TRABD2A: variants seen among roughly 807,000 people sequenced by gnomAD.
TRABD2A encodes the protein TraB domain containing 2A, also known as metalloprotease TIKI1.
In TRABD2A, 43 loss-of-function variants were observed where a neutral mutation model predicts 45.6. The observed-to-expected ratio is 0.94, with a 90% confidence interval of 0.74 to 1.22. The LOEUF is 1.22. Among genes scored for constraint, TRABD2A ranks in the 50% most tolerant of loss-of-function variants. TRABD2A has a pLI of 0.00. For synonymous variants in TRABD2A, 269 were observed against 265.0 expected (o/e 1.02, Z -0.15); for missense variants, 642 against 652.4 (o/e 0.98, Z 0.17).
chr2:84,855,741 T>C (rs755075635), intron 2 of TRABD2A, among the ~76,000 whole-genome samples: 10 of 152,018 alleles, frequency 6.6e-5, no homozygotes, highest in Non-Finnish European at 1.5e-4. Flanking sequence ...CCTGTCCACA[T>C]TTGCAGCAGA....
chr2:84,856,454 TTCTTTGGATG>T (rs1682307952), intron 2 of TRABD2A, among the ~76,000 whole-genome samples: 1 of 152,112 alleles, frequency 6.6e-6, no homozygotes, highest in African/African-American at 2.4e-5. Context: ...TTCCACACAC[TTCTTTGGATG>T]TCTAGGTCTG....
chr2:84,844,427 A>T (rs1871268), intron 2 of TRABD2A, among the ~76,000 whole-genome samples: 126,593 of 152,116 alleles, frequency 0.83, 53,195 homozygotes, highest in Middle Eastern at 0.89. Context: ...TCCCCAGGCA[A>T]GTGGAACTGT....
chr2:84,827,283 C>T (rs1681177793), intron 5 of TRABD2A, among the ~76,000 whole-genome samples: 2 of 152,336 alleles, frequency 1.3e-5, no homozygotes, highest in South Asian at 4.1e-4. Context: ...TCATGGAAGT[C>T]TCCAAGAAAG....
chr2:84,868,726 C>A (rs1210025663), intron 2 of TRABD2A, among the ~76,000 whole-genome samples: 1 of 152,126 alleles, frequency 6.6e-6, no homozygotes, highest in Non-Finnish European at 1.5e-5. Context: ...TCAAAGATAC[C>A]TTGCTTGAGC....
chr2:84,851,072 A>T (rs1443190797), intron 2 of TRABD2A: 1 of 152,262 alleles, frequency 6.6e-6, no homozygotes, highest in Non-Finnish European at 1.5e-5. Flanking sequence ...GCTACTTGCC[A>T]TTCTTGCTAC....
chr2:84,853,633 C>G (rs941048706), intron 2 of TRABD2A, among the ~76,000 whole-genome samples: 2 of 152,214 alleles, frequency 1.3e-5, no homozygotes, highest in African/African-American at 4.8e-5. Flanking sequence ...TCCTACAAGA[C>G]AAGAAACACC....
chr2:84,880,817 C>T lies in TRABD2A; in HGVS notation c.108+115G>A, dbSNP rs1326723995. On this transcript the variant is annotated intron_variant, in intron 1 of 6. Coordinates refer to ENST00000409520, the MANE Select transcript of TRABD2A (RefSeq NM_001277053.2). Reference sequence around the variant, plus strand: ...GGAGCGCCGCGGTGCTAGGTGAAAGCCCAGCCGCGGAAGTCGGCTCGGGGT... The same window carrying T: ...GGAGCGCCGCGGTGCTAGGTGAAAGTCCAGCCGCGGAAGTCGGCTCGGGGT... The T allele has an allele frequency of 3.4e-6, 5 of 1,475,196 alleles. No individual in the cohort carries two copies. The East Asian group carries it at 1.3e-4, about 37-fold the overall frequency. 91.4% of individuals were successfully genotyped at this position (1,475,196 alleles called of 1,614,324 possible).
chr2:84,867,941 A>G (rs9751440), intron 2 of TRABD2A, among the ~76,000 whole-genome samples: 27,386 of 152,096 alleles, frequency 0.18, 3,070 homozygotes, highest in African/African-American at 0.32. Flanking sequence ...AACAACAGGT[A>G]CTGGAGAGGA....
chr2:84,868,726 C>T (rs1210025663), intron 2 of TRABD2A, among the ~76,000 whole-genome samples: 2 of 152,126 alleles, frequency 1.3e-5, no homozygotes, highest in Non-Finnish European at 2.9e-5. Context: ...TCAAAGATAC[C>T]TTGCTTGAGC....
At chr2:84,836,120 C>T (rs1309514896) in intron 4 of TRABD2A, 3 of 152,148 alleles carry the variant, frequency 2.0e-5, no homozygotes, top group Non-Finnish European at 2.9e-5. Context: ...TCTGAAGAAA[C>T]AATGAAAGCA....
Position 84,832,136 on chromosome 2 carries a change from A to G in TRABD2A, c.1001T>C (p.Met334Thr), listed in dbSNP as rs375925350. ...AACATCCAGCACTGTGTTGTTGCCC[A>G]TGAAATGACCTGCAGTGAGAAAAAC... The part of the protein sequence containing the change: ...FFFAFGAGHF[M>T]GNNTVLDVLR... The change falls in exon 5 of 7, where the codon ATG becomes ACG. Residue 334 changes from methionine to threonine, a missense_variant. Met to Thr is a moderately conservative substitution (Grantham distance 81). Coordinates refer to ENST00000409520, the MANE Select transcript of TRABD2A (RefSeq NM_001277053.2). The G allele has an allele frequency of 8.1e-6, 13 of 1,613,904 alleles. No homozygotes were observed. The highest frequency in any genetic ancestry group is 4.0e-5 in the African/African-American group (3 of 74,934).
chr2:84,851,722 C>T (rs1682102662), intron 2 of TRABD2A, among the ~76,000 whole-genome samples: 1 of 152,150 alleles, frequency 6.6e-6, no homozygotes, highest in African/African-American at 2.4e-5. Context: ...AGGAATGTCT[C>T]CCCCATAGAA....
At chr2:84,873,662 G>T (rs1347364065) in intron 1 of TRABD2A, among the ~76,000 whole-genome samples, 1 of 152,136 alleles carries the variant, frequency 6.6e-6, no homozygotes, top group African/African-American at 2.4e-5. Flanking sequence ...GAAGACACTG[G>T]GTAACTAAAA....
rs1682852110 is a variant in TRABD2A, at chr2:84,870,789, A to T, written c.109-4T>A. On this transcript the variant is annotated splice_region_variant and splice_polypyrimidine_tract_variant and intron_variant, in intron 1 of 6. Transcript: ENST00000409520. ...AGAAGGAATTCAGCTCGCTTTGCTG[A>T]AAAGAAAAGAGGTAACATCAAGGTA... 1 of 1,564,018 alleles carries T rather than the reference A, an allele frequency of 6.4e-7. No individual in the cohort carries two copies. The highest frequency in any genetic ancestry group is 8.7e-7 in the Non-Finnish European group (1 of 1,153,626).
At chr2:84,836,935 G>C (rs1177378249) in intron 4 of TRABD2A, 1 of 148,086 alleles carries the variant, frequency 6.8e-6, no homozygotes, top group Non-Finnish European at 1.5e-5. Context: ...GTATTGGTGA[G>C]ATATTGTTCT....
chr2:84,831,943 T>A (rs2105374414), intron 5 of TRABD2A, 112 bp downstream of exon 5: 1 of 1,030,794 alleles, frequency 9.7e-7, no homozygotes, highest in Admixed American at 1.9e-5. Flanking sequence ...GTGGGGGAAA[T>A]GACGAGGCAG....
At chr2:84,874,748 C>T in intron 1 of TRABD2A, 1 of 241,784 alleles carries the variant, frequency 4.1e-6, no homozygotes, top group Non-Finnish European at 8.3e-6. Context: ...GATGACATTG[C>T]CAAGCCAACC....
intron 2 of TRABD2A, among the ~76,000 whole-genome samples, chr2:84,850,070 G>C (rs377557225): frequency 4.0e-4 from 61 of 152,102 alleles, no homozygotes; most frequent in African/African-American, 1.4e-3. Flanking sequence ...CTCTAATGCC[G>C]TCTTGCCAAG....
At chr2:84,831,762 C>T (rs1047101023) in intron 5 of TRABD2A, among the ~76,000 whole-genome samples, 1 of 152,136 alleles carries the variant, frequency 6.6e-6, no homozygotes, top group African/African-American at 2.4e-5. Context: ...CCCTACCCCT[C>T]AACCCCTGGG....
Sources: gnomAD v4.1 joint callset for allele counts (sites outside exome capture counted in the v4.1 genomes callset) on GRCh38, gnomAD v4.1.1 for gene constraint, MANE v1.5 for transcripts, NCBI Gene and HGNC (gene_info 2026-07-23, HGNC 2026-07-21) for gene names.